The following RTKN2 variants were observed in gnomAD, a reference collection of about 807,000 sequenced individuals.
The protein encoded by RTKN2 is rhotekin-2.
RTKN2 carries 69 observed loss-of-function variants against 71.5 expected under a neutral mutation model. That is an observed-to-expected ratio of 0.96 (90% CI 0.79 to 1.18). The LOEUF is 1.18. Ranked by LOEUF, RTKN2 falls within the 50% of genes most tolerant of loss-of-function variation. The pLI is 0.00. For missense variants in RTKN2, 724 were observed against 719.7 expected, an observed-to-expected ratio of 1.01 and a Z score of -0.07; for synonymous variants, 236 against 236.5, an observed-to-expected ratio of 1.00 and a Z score of 0.02.
rs761592346 is a variant in RTKN2 at position 62,236,094 on chromosome 10, T to C, written c.658A>G (p.Met220Val). The change falls in exon 6 of 12, where the codon ATG (methionine) becomes GTG (valine). Residue 220 changes from methionine to valine, a missense_variant. Physicochemically the swap from Met to Val is conservative, Grantham distance 21. Coordinates refer to ENST00000373789, the MANE Select transcript of RTKN2 (RefSeq NM_145307.4). ...SSVLQEEDDE[M>V]CLLLSSAVFG... ...ACAGCAGAGCTGAGGAGCAAGCACA[T>C]TTCATCATCCTCTTCTTGAAGCACT... The C allele has an allele frequency of 6.2e-7, 1 of 1,612,784 alleles. No individual in the cohort carries two copies. Among genetic ancestry groups the C allele is most frequent in the East Asian group, 2.2e-5 (1 of 44,786 alleles).
rs1386687966 is a variant in RTKN2, at chr10:62,193,262, C to A, written c.*4646G>T. 3 of 964,312 alleles carry A rather than the reference C, an allele frequency of 3.1e-6. No individual in the cohort carries two copies. Among genetic ancestry groups the A allele is most frequent in the Non-Finnish European group, 3.7e-6 (3 of 810,912 alleles). The allele number at this position is 964,312 out of a possible 1,614,324, so 59.7% of individuals were successfully genotyped here. ...TGACATAATTATGTATATACAAGATCTTTTCAATCTACCTCTCCTTTAGTA... is the reference window on the plus strand; with the variant it reads ...TGACATAATTATGTATATACAAGATATTTTCAATCTACCTCTCCTTTAGTA... On this transcript the variant is annotated 3_prime_UTR_variant, in exon 12 of 12. Coordinates refer to ENST00000373789, the MANE Select transcript of RTKN2 (RefSeq NM_145307.4).
At chr10:62,224,263 G>C (rs1265404855) in intron 6 of RTKN2, among the ~76,000 whole-genome samples, 1 of 151,938 alleles carries the variant, frequency 6.6e-6, no homozygotes. Context: ...GGAGATGGAG[G>C]GTGGTGATGC....
At chr10:62,242,300 TTA>T (rs1282949979) in intron 3 of RTKN2, among the ~76,000 whole-genome samples, 1 of 152,200 alleles carries the variant, frequency 6.6e-6, no homozygotes, top group Non-Finnish European at 1.5e-5. Flanking sequence ...CCCAAGTGTT[TTA>T]TTAGTATTCC....
intron 2 of RTKN2, among the ~76,000 whole-genome samples, chr10:62,247,191 C>G (rs1271273141): frequency 6.6e-6 from 1 of 151,890 alleles, no homozygotes; most frequent in Non-Finnish European, 1.5e-5. Context: ...AGGATGACAG[C>G]AACACACTGC....
chr10:62,195,787 C>G lies in RTKN2; in HGVS notation c.*2121G>C. 1 of 985,402 alleles carries G rather than the reference C, an allele frequency of 1.0e-6. No homozygotes were observed. The highest frequency in any genetic ancestry group is 1.1e-4 in the East Asian group (1 of 8,822). The allele number at this position is 985,402 out of a possible 1,614,324, so 61.0% of individuals were successfully genotyped here. A position where few individuals can be genotyped will look rare whatever the true frequency, so the allele number is the denominator to read the frequency against. ...GTAACATACAGTAAGCTGGGCCCCC[C>G]AGAAAGAGACCGAATAATTTGGTGG... On this transcript the variant is annotated 3_prime_UTR_variant, in exon 12 of 12. Coordinates refer to ENST00000373789, the MANE Select transcript of RTKN2 (RefSeq NM_145307.4).
intron 9 of RTKN2, chr10:62,215,223 T>C (rs1392238774): frequency 3.8e-6 from 2 of 528,454 alleles, no homozygotes; most frequent in Admixed American, 3.8e-5. Context: ...AAAGTAGACA[T>C]AATCATATAC....
intron 1 of RTKN2, among the ~76,000 whole-genome samples, chr10:62,264,743 A>G (rs1054928631): frequency 9.9e-5 from 15 of 152,218 alleles, no homozygotes; most frequent in Non-Finnish European, 5.9e-5. Flanking sequence ...GCATATTAGA[A>G]TCATCTGAGG....
At position 62,240,915 on chromosome 10, in the gene RTKN2, C is replaced by T. The variant is rs573361076; in HGVS notation, c.370+227G>A. 5.9e-5 allele frequency among the ~76,000 whole-genome samples: 9 copies of T among 152,284 alleles called. No homozygotes were observed. In the South Asian group the frequency reaches 1.9e-3, roughly 32 times the overall value. ...CTGAACCCGGTACTTACTGTCCTAG[C>T]ACTGGTTCCTATCAACAACTAAAAG... On this transcript the variant is annotated intron_variant, in intron 4 of 11. Transcript: ENST00000373789.
chr10:62,248,081 A>G (rs1211036703), intron 2 of RTKN2, among the ~76,000 whole-genome samples: 1 of 152,054 alleles, frequency 6.6e-6, no homozygotes, highest in African/African-American at 2.4e-5. Context: ...CCCCCTTCCA[A>G]ACTACTCAAC....
chr10:62,209,256 G>A (rs557160643), intron 9 of RTKN2, among the ~76,000 whole-genome samples: 3 of 151,806 alleles, frequency 2.0e-5, no homozygotes, highest in Admixed American at 6.6e-5. Context: ...CAACACGAGC[G>A]AAACTCCATC....
In RTKN2 at chr10:62,194,364, A is replaced by G. The variant is rs531026796; in HGVS notation, c.*3544T>C. On this transcript the variant is annotated 3_prime_UTR_variant, in exon 12 of 12. Coordinates refer to ENST00000373789, the MANE Select transcript of RTKN2 (RefSeq NM_145307.4). Reference sequence around the variant, plus strand: ...CATATGTAAACATTTAAAAATAGTGATGCCTTTGAAATGTAAGGGGAAAAT... The same window carrying G: ...CATATGTAAACATTTAAAAATAGTGGTGCCTTTGAAATGTAAGGGGAAAAT... 1.6e-5 allele frequency: 16 copies of G among 984,646 alleles called. No homozygotes were observed. The highest frequency in any genetic ancestry group is 1.8e-5 in the Non-Finnish European group (15 of 829,310). The allele number at this position is 984,646 out of a possible 1,614,324, so 61.0% of individuals were successfully genotyped here.
chr10:62,264,736 T>C (rs1842838154), intron 1 of RTKN2, among the ~76,000 whole-genome samples: 2 of 152,162 alleles, frequency 1.3e-5, no homozygotes, highest in South Asian at 2.1e-4. Flanking sequence ...GCTGGCTGCA[T>C]ATTAGAATCA....
intron 9 of RTKN2, among the ~76,000 whole-genome samples, chr10:62,210,973 T>C (rs1423500088): frequency 6.6e-6 from 1 of 152,152 alleles, no homozygotes; most frequent in Non-Finnish European, 1.5e-5. Flanking sequence ...GTTAAAAGTA[T>C]TTTCAAAACA....
At chr10:62,213,721 T>C (rs1190848474) in intron 9 of RTKN2, among the ~76,000 whole-genome samples, 5 of 152,088 alleles carry the variant, frequency 3.3e-5, no homozygotes, top group African/African-American at 1.2e-4. Flanking sequence ...TCAAAAAATA[T>C]AGATTTAATC....
chr10:62,242,998 T>C (rs1462636228), intron 3 of RTKN2, among the ~76,000 whole-genome samples: 1 of 152,122 alleles, frequency 6.6e-6, no homozygotes, highest in Non-Finnish European at 1.5e-5. Context: ...TTATTATTAT[T>C]ATACTTTAAG....
In RTKN2 at chr10:62,217,200, C is replaced by A; in HGVS notation, c.938G>T (p.Arg313Leu). ...GTAAAAACAATAGAGTTTACCTCCT[C>A]GCAAAACACAATACAACCTTCTCCA... ...ISWRRLYCVLRGGKLYCFYSP... is the reference protein window; with the variant it reads ...ISWRRLYCVLLGGKLYCFYSP... Residue 313 changes from arginine to leucine, a missense_variant, in exon 9 of 12, where the codon CGA becomes CTA. Arg to Leu is a moderately radical substitution (Grantham distance 102). Coordinates refer to ENST00000373789, the MANE Select transcript of RTKN2 (RefSeq NM_145307.4). The A allele has an allele frequency of 6.2e-7, 1 of 1,602,470 alleles. No homozygotes were observed.
At chr10:62,262,981 C>G (rs558856082) in intron 1 of RTKN2, among the ~76,000 whole-genome samples, 160 bp from the exon 2 acceptor site, 101 of 152,278 alleles carry the variant, frequency 6.6e-4, no homozygotes, top group African/African-American at 2.3e-3. Flanking sequence ...ATGCTCTTTG[C>G]AATTCTAAAC....
At chr10:62,246,400 A>G (rs1842479923) in intron 2 of RTKN2, among the ~76,000 whole-genome samples, 1 of 152,106 alleles carries the variant, frequency 6.6e-6, no homozygotes, top group African/African-American at 2.4e-5. Flanking sequence ...CTTAGATCAC[A>G]ATTTCATATA....
intron 6 of RTKN2, among the ~76,000 whole-genome samples, chr10:62,234,351 C>T (rs1842211449): frequency 6.6e-6 from 1 of 151,764 alleles, no homozygotes; most frequent in Non-Finnish European, 1.5e-5. Context: ...GTGGTGAAAC[C>T]CTATCTCTAC....
Sources: gnomAD v4.1 joint callset for allele counts (sites outside exome capture counted in the v4.1 genomes callset) on GRCh38, gnomAD v4.1.1 for gene constraint, MANE v1.5 for transcripts, NCBI Gene and HGNC (gene_info 2026-07-23, HGNC 2026-07-21) for gene names.